The following RHBDL2 variants were observed in gnomAD, a reference collection of about 807,000 sequenced individuals.
RHBDL2 encodes the protein rhomboid-related protein 2.
In RHBDL2, 26 loss-of-function variants were observed where a neutral mutation model predicts 31.7. That is an observed-to-expected ratio of 0.82 (90% confidence interval 0.60 to 1.14). The LOEUF (loss-of-function observed/expected upper bound fraction) is 1.14. Ranked by LOEUF, RHBDL2 falls within the 50% of genes most tolerant of loss-of-function variation. RHBDL2 has a pLI of 0.00. For synonymous variants in RHBDL2, 123 were observed against 127.2 expected, an observed-to-expected ratio of 0.97 and a Z score of 0.22; for missense variants, 336 against 364.4, an observed-to-expected ratio of 0.92 and a Z score of 0.63.
At chr1:38,895,601 C>T (rs368280901) in intron 5 of RHBDL2, among the ~76,000 whole-genome samples, 1 of 152,006 alleles carries the variant, frequency 6.6e-6, no homozygotes. Flanking sequence ...CCTAGGAGTT[C>T]GAGACCAGCC....
intron 1 of RHBDL2, among the ~76,000 whole-genome samples, chr1:38,930,146 G>A (rs1231575975): frequency 1.3e-5 from 2 of 152,100 alleles, no homozygotes; most frequent in Admixed American, 1.3e-4. Flanking sequence ...GTGGGCTATG[G>A]TTCAGGGTAG....
rs533839977 is a variant in RHBDL2, at chr1:38,932,905, G to A, written c.-126+8777C>T. Reference sequence around the variant, plus strand: ...TTGTTCATCTTTGTATTCTTCCATTGAGTAGATTACTGATGTCTGACCCGA... The same window carrying A: ...TTGTTCATCTTTGTATTCTTCCATTAAGTAGATTACTGATGTCTGACCCGA... On this transcript the variant is annotated intron_variant, in intron 1 of 7. Coordinates refer to ENST00000372990, the MANE Select transcript of RHBDL2 (RefSeq NM_017821.5). Among the ~76,000 whole-genome samples the A allele has an allele frequency of 3.3e-5, 5 of 152,202 alleles. No homozygotes were observed. The East Asian group carries it at 9.7e-4, about 29-fold the overall frequency.
intron 1 of RHBDL2, among the ~76,000 whole-genome samples, chr1:38,935,663 A>G (rs993939791): frequency 2.0e-5 from 3 of 152,070 alleles, no homozygotes; most frequent in African/African-American, 7.3e-5. Context: ...CCCAGGCTGG[A>G]GTATAGTGGC....
chr1:38,928,438 G>A (rs1204530024), intron 1 of RHBDL2, among the ~76,000 whole-genome samples: 1 of 35,478 alleles, frequency 2.8e-5, no homozygotes, highest in East Asian at 2.6e-4. Context: ...CACGGCGCCC[G>A]GCCATGTTTT....
intron 1 of RHBDL2, among the ~76,000 whole-genome samples, chr1:38,929,152 T>A (rs1328213969): frequency 6.6e-6 from 1 of 152,122 alleles, no homozygotes; most frequent in African/African-American, 2.4e-5. Flanking sequence ...TTTCATCCCA[T>A]CCTTTCCTGT....
intron 1 of RHBDL2, among the ~76,000 whole-genome samples, chr1:38,925,284 G>A (rs1220516676): frequency 1.3e-5 from 2 of 151,910 alleles, no homozygotes; most frequent in Non-Finnish European, 1.5e-5. Context: ...GATCACTTGA[G>A]GTCAGGCGTT....
At chr1:38,904,923 C>A (rs55955352) in intron 4 of RHBDL2, among the ~76,000 whole-genome samples, 1 of 148,724 alleles carries the variant, frequency 6.7e-6, no homozygotes. Flanking sequence ...CCCAGCTACT[C>A]GGGAGGCTGA....
chr1:38,898,098 CCCAG>C (rs1642943083), intron 4 of RHBDL2, among the ~76,000 whole-genome samples: 1 of 151,504 alleles, frequency 6.6e-6, no homozygotes, highest in Admixed American at 6.6e-5. Flanking sequence ...GCCACTGCAC[CCCAG>C]CCTGGGCAAC....
In RHBDL2 at chr1:38,929,813, T is replaced by C. The variant is rs1041434992; in HGVS notation, c.-125-10476A>G. 8.5e-5 allele frequency among the ~76,000 whole-genome samples: 13 copies of C among 152,374 alleles called. No individual in the cohort carries two copies. In the South Asian group the frequency reaches 2.1e-3, roughly 24 times the overall value. On this transcript the variant is annotated intron_variant, in intron 1 of 7. Coordinates refer to ENST00000372990, the MANE Select transcript of RHBDL2 (RefSeq NM_017821.5). ...GCAAACCATCATTATGCCAGAGGCC[T>C]GCAGCAATCTCTCTGTGGTTACAGC... is the stretch of plus-strand genomic sequence containing the variant.
intron 4 of RHBDL2, among the ~76,000 whole-genome samples, chr1:38,909,026 C>T (rs1643105996): frequency 6.6e-6 from 1 of 152,184 alleles, no homozygotes; most frequent in South Asian, 2.1e-4. Context: ...ACTGCCCCAG[C>T]CAAACTCCGC....
chr1:38,889,689 T>A (rs1253781265), intron 6 of RHBDL2, among the ~76,000 whole-genome samples: 3 of 152,218 alleles, frequency 2.0e-5, no homozygotes, highest in African/African-American at 7.2e-5. Context: ...GTCAAGTAAG[T>A]CGGATCTGCA....
chr1:38,919,561 A>C (rs1006031049), intron 1 of RHBDL2, among the ~76,000 whole-genome samples: 14 of 109,622 alleles, frequency 1.3e-4, no homozygotes, highest in Non-Finnish European at 3.3e-4. Flanking sequence ...AAATACACAT[A>C]ACATAAAATT....
At chr1:38,930,161 A>C (rs2124351900) in intron 1 of RHBDL2, among the ~76,000 whole-genome samples, 1 of 151,974 alleles carries the variant, frequency 6.6e-6, no homozygotes, top group Middle Eastern at 3.4e-3. Flanking sequence ...GGGTAGGGGG[A>C]CCAGAGCCCC....
Position 38,923,292 on chromosome 1 carries a change from A to G in RHBDL2, c.-125-3955T>C, listed in dbSNP as rs570791991. 3.9e-5 allele frequency among the ~76,000 whole-genome samples: 6 copies of G among 152,358 alleles called. No homozygotes were observed. In the South Asian group the frequency reaches 1.2e-3, roughly 32 times the overall value. ...TTCAAAGGTATTTGAGCACATACACAATGGTATATTACAAGGATATTCATG... is the reference window on the plus strand; with the variant it reads ...TTCAAAGGTATTTGAGCACATACACGATGGTATATTACAAGGATATTCATG... On this transcript the variant is annotated intron_variant, in intron 1 of 7. Coordinates refer to ENST00000372990, the MANE Select transcript of RHBDL2 (RefSeq NM_017821.5).
At chr1:38,910,752 T>C (rs1450674786) in intron 4 of RHBDL2, among the ~76,000 whole-genome samples, 1 of 117,062 alleles carries the variant, frequency 8.5e-6, no homozygotes, top group Non-Finnish European at 1.7e-5. Flanking sequence ...TTATTCCTTT[T>C]CTTTTTTTTT....
intron 1 of RHBDL2, among the ~76,000 whole-genome samples, chr1:38,921,866 T>G (rs968517111): frequency 6.6e-6 from 1 of 152,188 alleles, no homozygotes; most frequent in African/African-American, 2.4e-5. Context: ...CCACAAATAT[T>G]AAAGCATTTT....
intron 5 of RHBDL2, among the ~76,000 whole-genome samples, chr1:38,895,677 AC>A (rs1041343647): frequency 2.0e-5 from 3 of 152,002 alleles, no homozygotes; most frequent in Admixed American, 1.3e-4. Context: ...GGTGGCCCAC[AC>A]CTGTAGTCCC....
At chr1:38,922,142 G>A (rs1056656847) in intron 1 of RHBDL2, among the ~76,000 whole-genome samples, 12 of 152,090 alleles carry the variant, frequency 7.9e-5, no homozygotes, top group South Asian at 2.1e-4. Flanking sequence ...TGACCCAACC[G>A]GTTTAGCCAA....
intron 1 of RHBDL2, among the ~76,000 whole-genome samples, chr1:38,936,324 T>C (rs375343892): frequency 6.6e-6 from 1 of 152,066 alleles, no homozygotes; most frequent in African/African-American, 2.4e-5. Context: ...TGGGGGTTTT[T>C]TTGAGATGGA....
Sources: allele counts gnomAD v4.1 joint callset (sites outside exome capture counted in the v4.1 genomes callset), GRCh38; gene constraint gnomAD v4.1.1; transcripts MANE v1.5; gene names NCBI Gene and HGNC (gene_info 2026-07-23, HGNC 2026-07-21).